The following ALK variants were observed in gnomAD, a reference collection of about 807,000 sequenced individuals.
The protein encoded by ALK is ALK tyrosine kinase receptor.
ALK carries 74 observed loss-of-function variants against 163.1 expected under a neutral mutation model. The ratio of observed to expected loss-of-function variants is 0.45; its 90% CI spans 0.38 to 0.55. The LOEUF (loss-of-function observed/expected upper bound fraction) is 0.55. ALK is among the 20% of genes least tolerant of loss of function. The probability of loss-of-function intolerance (pLI) is 0.00; values close to 1 mark genes in which losing one functional copy is unlikely to be tolerated. For missense variants in ALK, 2,063 were observed against 2,105.3 expected (o/e 0.98, Z 0.39); for synonymous variants, 960 against 843.2 (o/e 1.14, Z -2.40).
intron 3 of ALK, among the ~76,000 whole-genome samples, chr2:29,656,086 T>A (rs915878155): frequency 6.6e-6 from 1 of 151,736 alleles, no homozygotes; most frequent in Non-Finnish European, 1.5e-5. Flanking sequence ...GTGATGGAAA[T>A]TTTTTTTCCT....
intron 3 of ALK, among the ~76,000 whole-genome samples, chr2:29,620,815 G>A (rs1676014211): frequency 6.6e-6 from 1 of 152,178 alleles, no homozygotes; most frequent in African/African-American, 2.4e-5. Flanking sequence ...TCGGGAGAAA[G>A]AACGCATACA....
chr2:29,427,157 TG>T (rs57583561), intron 4 of ALK, among the ~76,000 whole-genome samples: 146,828 of 151,314 alleles, frequency 0.97, 71,362 homozygotes, highest in Non-Finnish European at 1. Flanking sequence ...CACAAAGGAT[TG>T]GGGGGGGCAG....
At chr2:29,252,850 C>G (rs1664857407) in intron 11 of ALK, among the ~76,000 whole-genome samples, 1 of 150,198 alleles carries the variant, frequency 6.7e-6, no homozygotes, top group African/African-American at 2.5e-5. Flanking sequence ...TTTTTAGACA[C>G]AGGGTCTCAC....
intron 1 of ALK, among the ~76,000 whole-genome samples, chr2:29,874,770 TG>T (rs1444318042): frequency 6.6e-6 from 1 of 152,196 alleles, no homozygotes; most frequent in Non-Finnish European, 1.5e-5. Flanking sequence ...GAGGGGCCTT[TG>T]TAAATGACAT....
chr2:29,236,701 C>G (rs1012477284), intron 13 of ALK, among the ~76,000 whole-genome samples: 1 of 152,138 alleles, frequency 6.6e-6, no homozygotes, highest in Non-Finnish European at 1.5e-5. Flanking sequence ...TCTCCTACCT[C>G]CCTGGTTCCT....
At chr2:29,474,745 T>C (rs945018320) in intron 4 of ALK, among the ~76,000 whole-genome samples, 3 of 152,218 alleles carry the variant, frequency 2.0e-5, no homozygotes, top group Non-Finnish European at 4.4e-5. Context: ...ATTCGTGAAT[T>C]AATTTTTTAT....
At chr2:29,280,460 GGTTA>G (rs1445501063) in intron 9 of ALK, among the ~76,000 whole-genome samples, 4 of 152,000 alleles carry the variant, frequency 2.6e-5, no homozygotes, top group Non-Finnish European at 4.4e-5. Flanking sequence ...TGGGACCGGG[GGTTA>G]GTTCTAGTAT....
At chr2:29,346,506 C>T (rs966683576) in intron 5 of ALK, among the ~76,000 whole-genome samples, 2 of 152,182 alleles carry the variant, frequency 1.3e-5, no homozygotes, top group Non-Finnish European at 2.9e-5. Flanking sequence ...CCAGCATCCC[C>T]GAAATGCCCA....
intron 1 of ALK, among the ~76,000 whole-genome samples, chr2:29,812,852 G>C (rs545612175): frequency 6.6e-6 from 1 of 152,168 alleles, no homozygotes; most frequent in Non-Finnish European, 1.5e-5. Context: ...GGACACTAGG[G>C]CTGTACATCC....
intron 3 of ALK, among the ~76,000 whole-genome samples, chr2:29,544,595 A>G (rs1234103093): frequency 6.6e-6 from 1 of 152,090 alleles, no homozygotes; most frequent in Non-Finnish European, 1.5e-5. Context: ...GAAACAACAT[A>G]TCCTTATCCA....
chr2:29,540,386 C>T (rs532542704), intron 3 of ALK, among the ~76,000 whole-genome samples: 9 of 152,132 alleles, frequency 5.9e-5, no homozygotes, highest in Middle Eastern at 6.8e-3. Flanking sequence ...TTTAAAAAGT[C>T]TAATCTTAGA....
intron 4 of ALK, among the ~76,000 whole-genome samples, chr2:29,471,775 C>G (rs1159767546): frequency 2.7e-5 from 4 of 149,846 alleles, no homozygotes; most frequent in African/African-American, 7.4e-5. Context: ...TTCATTCACT[C>G]TTGTTGCCCA....
intron 3 of ALK, among the ~76,000 whole-genome samples, chr2:29,596,815 CTG>C (rs960799356): frequency 6.6e-6 from 1 of 152,210 alleles, no homozygotes; most frequent in Admixed American, 6.5e-5. Flanking sequence ...ATAAGAAGAA[CTG>C]AGACCATGTG....
intron 5 of ALK, among the ~76,000 whole-genome samples, chr2:29,336,944 G>A (rs1015707849): frequency 2.0e-5 from 3 of 152,108 alleles, no homozygotes; most frequent in Admixed American, 6.6e-5. Flanking sequence ...GAGACGACAC[G>A]TGGGGGAACC....
chr2:29,452,758 C>T (rs11677410), intron 4 of ALK, among the ~76,000 whole-genome samples: 11,601 of 152,236 alleles, frequency 0.076, 561 homozygotes, highest in Non-Finnish European at 0.11. Context: ...AGTTACAAGA[C>T]ATTTTGACAT....
chr2:29,554,827 G>A (rs1315886468), intron 3 of ALK, among the ~76,000 whole-genome samples: 1 of 152,140 alleles, frequency 6.6e-6, no homozygotes, highest in Non-Finnish European at 1.5e-5. Flanking sequence ...GATAAAACAG[G>A]TTTCATTTCA....
At chr2:29,389,288 G>A (rs936839118) in intron 4 of ALK, among the ~76,000 whole-genome samples, 7 of 152,196 alleles carry the variant, frequency 4.6e-5, no homozygotes, top group African/African-American at 9.6e-5. Flanking sequence ...TATTAAAGCC[G>A]AGGCCAAAGT....
Position 29,504,802 on chromosome 2 carries a change from A to G in ALK, c.1154+27113T>C, listed in dbSNP as rs1672272568. ...AGAAGAATAACACAGTCAAGCTGGC[A>G]TTTTATTAGGTTGGTCCAAATGTTA... On this transcript the variant is annotated intron_variant, in intron 4 of 28. Transcript: ENST00000389048. 2.6e-5 allele frequency among the ~76,000 whole-genome samples: 4 copies of G among 152,338 alleles called. No homozygotes were observed. The South Asian group carries it at 8.3e-4, about 32-fold the overall frequency.
chr2:29,876,398 G>T (rs1332893051), intron 1 of ALK, among the ~76,000 whole-genome samples: 1 of 151,622 alleles, frequency 6.6e-6, no homozygotes, highest in Admixed American at 6.6e-5. Context: ...TGATGGTGAT[G>T]ATGGTGGTGA....
Sources: allele counts gnomAD v4.1 joint callset (sites outside exome capture counted in the v4.1 genomes callset), GRCh38; gene constraint gnomAD v4.1.1; transcripts MANE v1.5; gene names NCBI Gene and HGNC (gene_info 2026-07-23, HGNC 2026-07-21).